Variants in FBRSL1 observed in about 807,000 individuals in gnomAD.
FBRSL1 encodes fibrosin-1-like protein.
In FBRSL1, 51 loss-of-function variants were observed where a neutral mutation model predicts 89.6. The observed-to-expected ratio is 0.57, with a 90% CI of 0.45 to 0.72. The LOEUF (loss-of-function observed/expected upper bound fraction) is 0.72, where lower values mean the gene tolerates loss of function less well. Ranked by LOEUF, FBRSL1 falls within the 30% of genes least tolerant of loss-of-function variation. The pLI is 0.00. For synonymous variants in FBRSL1, 779 were observed against 681.1 expected (o/e 1.14, Z -2.24); for missense variants, 1,618 against 1,451.8 (o/e 1.11, Z -1.86).
chr12:132,512,161 C>T (rs1057301161), intron 2 of FBRSL1, among the ~76,000 whole-genome samples: 2 of 152,234 alleles, frequency 1.3e-5, no homozygotes, highest in Non-Finnish European at 2.9e-5. Context: ...GCACCGGCCT[C>T]CAGATCCCCC....
rs1381747865 is a variant in FBRSL1, at chr12:132,546,861, T to C, written c.616-1142T>C. The stretch of plus-strand genomic sequence containing the variant: ...TGCTAAAGCGCATTTCACACCGTAC[T>C]GTGAGCTCCGTCGCTGAACACTCGG... On this transcript the variant is annotated intron_variant, in intron 4 of 18. Coordinates refer to ENST00000680143, the MANE Select transcript of FBRSL1 (RefSeq NM_001367871.1). This position sits in a 1 kb window ranked among gnomAD's most constrained non-coding sequence, Gnocchi z 4.0. 1.3e-5 allele frequency among the ~76,000 whole-genome samples: 2 copies of C among 152,224 alleles called. No individual in the cohort carries two copies. The highest frequency in any genetic ancestry group is 3.8e-4 in the East Asian group (2 of 5,198).
intron 6 of FBRSL1, among the ~76,000 whole-genome samples, chr12:132,568,440 A>G (rs77540893): frequency 0.055 from 8,433 of 152,366 alleles, 337 homozygotes; most frequent in African/African-American, 0.11. Flanking sequence ...GGGTGGTGTC[A>G]GAAGGGGCGT....
At chr12:132,558,371 G>A (rs1275271620) in intron 5 of FBRSL1, among the ~76,000 whole-genome samples, 1 of 152,220 alleles carries the variant, frequency 6.6e-6, no homozygotes, top group African/African-American at 2.4e-5. Context: ...TCTCGTCGGT[G>A]AGACGAGTGG....
intron 2 of FBRSL1, among the ~76,000 whole-genome samples, chr12:132,519,291 G>T (rs2035137628): frequency 6.6e-6 from 1 of 152,238 alleles, no homozygotes; most frequent in African/African-American, 2.4e-5. Flanking sequence ...GCCTGGAGGA[G>T]CTCTTTACCT....
intron 14 of FBRSL1, 143 bp from the exon 15 acceptor site, chr12:132,576,656 G>C: frequency 6.4e-6 from 6 of 939,316 alleles, no homozygotes; most frequent in Non-Finnish European, 9.3e-6. Flanking sequence ...ATCCTGAGTA[G>C]AGAATACACC....
rs114881511 is a variant in FBRSL1, at chr12:132,538,253, C to T, written c.616-9750C>T. ...GGCTCCAGCCCCACGTTCTCGCCGA[C>T]GCAGGGCTCTCCAGGCCTGCTCCCT... is the stretch of plus-strand genomic sequence containing the variant. On this transcript the variant is annotated intron_variant, in intron 4 of 18. Coordinates refer to ENST00000680143, the MANE Select transcript of FBRSL1 (RefSeq NM_001367871.1). 4.0e-3 allele frequency among the ~76,000 whole-genome samples: 607 copies of T among 152,348 alleles called. 7 individuals are homozygous for T. The highest frequency in any genetic ancestry group is 0.014 in the African/African-American group (570 of 41,592).
chr12:132,542,647 C>A (rs2037359021), intron 4 of FBRSL1, among the ~76,000 whole-genome samples: 1 of 152,188 alleles, frequency 6.6e-6, no homozygotes, highest in Non-Finnish European at 1.5e-5. Flanking sequence ...GTTTCCAGCA[C>A]CCTTCCCCAA....
At chr12:132,581,290 A>G in intron 15 of FBRSL1, 149 bp from the exon 16 acceptor site, 1 of 1,501,224 alleles carries the variant, frequency 6.7e-7, no homozygotes, top group Non-Finnish European at 8.9e-7. Context: ...TCTTACTCTG[A>G]CTGGACACGC....
Position 132,576,868 on chromosome 12 carries a change from C to G in FBRSL1, c.1771C>G (p.Pro591Ala). The part of the protein sequence containing the change: ...KLDLFGRPPA[P>A]GVFAGFHYPQ... ...GGACCTGTTCGGCAGACCCCCTGCC[C>G]CGGGCGTGTTTGCAGGCTTCCACTA... Residue 591 changes from proline (P) to alanine (A), a missense_variant, in exon 15 of 19, where the codon CCG becomes GCG. Pro to Ala is a conservative substitution (Grantham distance 27). Transcript: ENST00000680143. The G allele has an allele frequency of 6.4e-7, 1 of 1,551,018 alleles. No homozygotes were observed. Among genetic ancestry groups the G allele is most frequent in the East Asian group, 2.4e-5 (1 of 40,908 alleles).
chr12:132,544,125 C>T (rs1245046427), intron 4 of FBRSL1, among the ~76,000 whole-genome samples: 1 of 152,224 alleles, frequency 6.6e-6, no homozygotes, highest in Non-Finnish European at 1.5e-5. Flanking sequence ...TGCTACTCCC[C>T]ACCCCAGGCA....
At chr12:132,520,797 C>T (rs2035287083) in intron 2 of FBRSL1, among the ~76,000 whole-genome samples, 1 of 152,228 alleles carries the variant, frequency 6.6e-6, no homozygotes, top group Non-Finnish European at 1.5e-5. Context: ...ACTGTGAGGG[C>T]TCTGGGACTG....
intron 5 of FBRSL1, among the ~76,000 whole-genome samples, chr12:132,563,428 C>T (rs929302953): frequency 1.3e-5 from 2 of 150,926 alleles, no homozygotes. Context: ...GCACCCCACA[C>T]CTGGCCCCCA....
chr12:132,549,230 G>T (rs1296360689), intron 5 of FBRSL1, among the ~76,000 whole-genome samples: 3 of 152,198 alleles, frequency 2.0e-5, no homozygotes, highest in South Asian at 4.1e-4. Flanking sequence ...CCGTGTCTGG[G>T]GCTCCAGCAT....
intron 1 of FBRSL1, among the ~76,000 whole-genome samples, chr12:132,497,926 G>A (rs374738868): frequency 2.0e-5 from 3 of 152,260 alleles, no homozygotes; most frequent in East Asian, 1.9e-4. Context: ...GAGACCCCTC[G>A]GGCCTGGTGT....
intron 14 of FBRSL1, among the ~76,000 whole-genome samples, chr12:132,576,178 A>T (rs1307152330): frequency 7.1e-6 from 1 of 140,636 alleles, no homozygotes; most frequent in Non-Finnish European, 1.6e-5. Context: ...TGGGCACGTG[A>T]GCATGCTTTT....
intron 5 of FBRSL1, among the ~76,000 whole-genome samples, chr12:132,564,300 A>G (rs1236317810): frequency 3.3e-5 from 5 of 152,100 alleles, no homozygotes; most frequent in Non-Finnish European, 5.9e-5. Flanking sequence ...GCCACGTGGG[A>G]TTCAGGGGAA....
At chr12:132,580,773 G>C in intron 15 of FBRSL1, 6 of 985,456 alleles carry the variant, frequency 6.1e-6, no homozygotes, top group Non-Finnish European at 7.2e-6. Context: ...ACCTAAAGAT[G>C]ACGCCCTGCT....
rs867862974 is a variant in FBRSL1, at chr12:132,583,514, C to T, written c.2745C>T (p.Pro915=). 1.1e-5 allele frequency: 11 copies of T among 1,041,426 alleles called. No individual in the cohort carries two copies. In the Admixed American group the frequency reaches 1.8e-4, roughly 17 times the overall value. The allele number at this position is 1,041,426 out of a possible 1,614,324, so 64.5% of individuals were successfully genotyped here. ...CCCCGCACCTGCCGCCCGCCGCCCC[C>T]GCCTTGGACGGCGCGCTGCTGCCCT... ...ARAPHLPPAA[P]ALDGALLPSL... The change falls in exon 19 of 19, where the codon CCC becomes CCT. Residue 915 remains proline, a synonymous_variant. Coordinates refer to ENST00000680143, the MANE Select transcript of FBRSL1 (RefSeq NM_001367871.1).
intron 2 of FBRSL1, chr12:132,510,981 G>A: frequency 2.0e-6 from 2 of 988,418 alleles, no homozygotes; most frequent in Non-Finnish European, 2.4e-6. Flanking sequence ...GTGTGAGAGT[G>A]AGTGGCGTGC....
Sources: gnomAD v4.1 joint callset for allele counts (sites outside exome capture counted in the v4.1 genomes callset) on GRCh38, gnomAD v4.1.1 for gene constraint, Gnocchi (gnomAD v3.1) non-coding constraint, MANE v1.5 for transcripts, NCBI Gene and HGNC (gene_info 2026-07-23, HGNC 2026-07-21) for gene names.